The following DYNC1H1 variants were observed in gnomAD, a reference collection of about 807,000 sequenced individuals.
DYNC1H1 encodes the protein dynein cytoplasmic 1 heavy chain 1.
A neutral mutation model predicts 527.1 loss-of-function variants in DYNC1H1; 51 were observed. The ratio of observed to expected loss-of-function variants is 0.10; its 90% CI spans 0.08 to 0.12. DYNC1H1 has a LOEUF of 0.12. Among genes scored for constraint, DYNC1H1 ranks in the 10% least tolerant of loss-of-function variants. The pLI is 1.00. For missense variants in DYNC1H1, 2,771 were observed against 5,971.8 expected, an observed-to-expected ratio of 0.46 and a Z score of 17.66; for synonymous variants, 2,189 against 2,278.8, an observed-to-expected ratio of 0.96 and a Z score of 1.12.
At chr14:101,971,222 C>T (rs767511928) in intron 1 of DYNC1H1, among the ~76,000 whole-genome samples, 1 of 150,218 alleles carries the variant, frequency 6.7e-6, no homozygotes, top group Non-Finnish European at 1.5e-5. Context: ...CACAGACATG[C>T]ACCACCACGC....
At position 102,044,155 on chromosome 14, in the gene DYNC1H1, G is replaced by T; in HGVS notation, c.12684+110G>T. The stretch of plus-strand genomic sequence containing the variant: ...GCGTGGAAGAGCGAGCTGACCCCTC[G>T]TGACCGCCAAAGCCTAGCTGGCCAT... On this transcript the variant is annotated intron_variant, in intron 70 of 77. Transcript: ENST00000360184. The surrounding 1 kb of genome is among the most constrained non-coding windows in gnomAD (Gnocchi z 7.1). 1 of 1,582,432 alleles carries T rather than the reference G, an allele frequency of 6.3e-7. No individual in the cohort carries two copies. The highest frequency in any genetic ancestry group is 8.6e-7 in the Non-Finnish European group (1 of 1,167,242).
At chr14:102,034,597 G>T (rs2048549577) in intron 56 of DYNC1H1, 145 bp downstream of exon 56, 1 of 1,281,554 alleles carries the variant, frequency 7.8e-7, no homozygotes, top group South Asian at 1.2e-5. Context: ...TCCTCTGATG[G>T]TGGGGCGTGT....
In DYNC1H1 at chr14:102,005,376, G is replaced by A. The variant is rs2048185410; in HGVS notation, c.5433+140G>A. ...GATGGTGTATGGATATCCTCTGAGGGTGGGCATTTGGCTCCCTGTCCCTGT... is the reference window on the plus strand; with the variant it reads ...GATGGTGTATGGATATCCTCTGAGGATGGGCATTTGGCTCCCTGTCCCTGT... On this transcript the variant is annotated intron_variant, in intron 26 of 77. Transcript: ENST00000360184. This position sits in a 1 kb window ranked among gnomAD's most constrained non-coding sequence, Gnocchi z 4.0. 1.7e-6 allele frequency: 2 copies of A among 1,208,482 alleles called. No homozygotes were observed. Among genetic ancestry groups the A allele is most frequent in the Admixed American group, 3.4e-5 (2 of 59,280 alleles). The allele number at this position is 1,208,482 out of a possible 1,614,324, so 74.9% of individuals were successfully genotyped here. A position where few individuals can be genotyped will look rare whatever the true frequency, so the allele number is the denominator to read the frequency against.
chr14:102,025,706 A>G (rs1414371144), intron 43 of DYNC1H1, among the ~76,000 whole-genome samples: 1 of 152,184 alleles, frequency 6.6e-6, no homozygotes, highest in Non-Finnish European at 1.5e-5. Context: ...TTATTAAATA[A>G]TAATTTACTC....
At chr14:102,032,893 C>T (rs187638378) in intron 52 of DYNC1H1, 172 bp from the exon 53 acceptor site, 306 of 680,284 alleles carry the variant, frequency 4.5e-4, no homozygotes, top group Non-Finnish European at 7.4e-4. Context: ...AAGTGTTGAG[C>T]ACATTTTCAG....
chr14:101,982,646 A>G (rs965147405), intron 5 of DYNC1H1, among the ~76,000 whole-genome samples: 6 of 152,068 alleles, frequency 3.9e-5, no homozygotes, highest in African/African-American at 1.4e-4. Context: ...TGCTCGAATC[A>G]CCTAGAAACT....
intron 69 of DYNC1H1, 148 bp from the exon 70 acceptor site, chr14:102,043,727 T>C: frequency 9.5e-7 from 1 of 1,051,216 alleles, no homozygotes; most frequent in South Asian, 1.4e-5. Context: ...GGCATACTTT[T>C]CTCCTAGCAG....
Position 101,970,471 on chromosome 14 carries a change from TTG to T in DYNC1H1, c.257-5239_257-5238del, listed in dbSNP as rs201540707. Among the ~76,000 whole-genome samples, 117 of 119,414 alleles carry T rather than the reference TTG, an allele frequency of 9.8e-4. 22 individuals carry two copies. Among genetic ancestry groups the T allele is most frequent in the African/African-American group, 3.7e-3 (84 of 22,964 alleles). 78.3% of individuals were successfully genotyped at this position (119,414 alleles called of 152,430 possible). A position where few individuals can be genotyped will look rare whatever the true frequency, so the allele number is the denominator to read the frequency against. The stretch of plus-strand genomic sequence containing the variant: ...TGGTATTAGTATGTTTGGTTTGTTG[TTG>T]TTTTTTTTTTTTTTTTTTTTTTTTT... On this transcript the variant is annotated intron_variant, in intron 1 of 77. Transcript: ENST00000360184.
At chr14:102,009,660 C>A in intron 29 of DYNC1H1, 183 bp from the exon 30 acceptor site, 1 of 883,242 alleles carries the variant, frequency 1.1e-6, no homozygotes, top group Non-Finnish European at 1.7e-6. Context: ...ATGGGTCCAC[C>A]TGGGCTGGGA....
chr14:102,004,880 A>T lies in DYNC1H1; in HGVS notation c.5168A>T (p.Glu1723Val). 6.2e-7 allele frequency: 1 copy of T among 1,614,214 alleles called. No homozygotes were observed. Among genetic ancestry groups the T allele is most frequent in the Non-Finnish European group, 8.5e-7 (1 of 1,180,054 alleles). Residue 1723 changes from glutamate to valine, a missense_variant, in exon 25 of 78, where the codon GAA (glutamate) becomes GTA (valine). By Grantham distance (121) the Glu-to-Val change is moderately radical. This residue lies in a region of DYNC1H1 where 105 missense variants were observed against 138.1 expected (regional missense o/e 0.76). Transcript: ENST00000360184. ...LAKLLAESVT[E>V]VEIFGKATSI... Reference sequence around the variant, plus strand: ...AAACTGCTTGCTGAGTCTGTTACGGAAGTTGAGATTTTTGGTAAAGCAACT... The same window carrying T: ...AAACTGCTTGCTGAGTCTGTTACGGTAGTTGAGATTTTTGGTAAAGCAACT...
chr14:102,000,061 G>A lies in DYNC1H1; in HGVS notation c.3877G>A (p.Asp1293Asn), dbSNP rs201107645. 11 of 1,614,196 alleles carry A rather than the reference G, an allele frequency of 6.8e-6. No homozygotes were observed. Among genetic ancestry groups the A allele is most frequent in the Admixed American group, 6.7e-5 (4 of 60,016 alleles). The change falls in exon 17 of 78, where the codon GAC becomes AAC. Residue 1293 changes from aspartate to asparagine, a missense_variant. Physicochemically the swap from Asp to Asn is conservative, Grantham distance 23. Coordinates refer to ENST00000360184, the MANE Select transcript of DYNC1H1 (RefSeq NM_001376.5). ...YEGKFGRLKD[D>N]REKCAKAKEA... ...GGGGAAGTTTGGTAGGCTGAAGGACGACAGAGAGAAGTGTGCAAAGGCCAA... is the reference window on the plus strand; with the variant it reads ...GGGGAAGTTTGGTAGGCTGAAGGACAACAGAGAGAAGTGTGCAAAGGCCAA...
In DYNC1H1 at chr14:101,983,672, GTT is replaced by G; in HGVS notation, c.1461+72_1461+73del. 1.5e-6 allele frequency: 2 copies of G among 1,334,842 alleles called. No homozygotes were observed. The highest frequency in any genetic ancestry group is 2.0e-6 in the Non-Finnish European group (2 of 984,978). The allele number at this position is 1,334,842 out of a possible 1,614,324, so 82.7% of individuals were successfully genotyped here. A position where few individuals can be genotyped will look rare whatever the true frequency, so the allele number is the denominator to read the frequency against. ...GTTTTTGTTTTGTTTTTTGTTTGGT[GTT>G]TTTTTTTTGTTGTTGTTGTTGAGAT... On this transcript the variant is annotated intron_variant, in intron 7 of 77. Coordinates refer to ENST00000360184, the MANE Select transcript of DYNC1H1 (RefSeq NM_001376.5). This position sits in a 1 kb window ranked among gnomAD's most constrained non-coding sequence, Gnocchi z 5.3.
At chr14:101,984,450 A>ATAT (rs2047908706) in intron 7 of DYNC1H1, among the ~76,000 whole-genome samples, 1 of 69,968 alleles carries the variant, frequency 1.4e-5, no homozygotes, top group African/African-American at 6.5e-5. Flanking sequence ...TATATATTAT[A>ATAT]TTTTTTTTTT....
In DYNC1H1 at chr14:101,988,849, C is replaced by G. The variant is rs2047964446; in HGVS notation, c.2865C>G (p.Ile955Met). ...ACAAGCCTGGTGGAGAGCCAAAGATCAAAGTGAGTGCTTCTGTGGCATTCT... is the reference window on the plus strand; with the variant it reads ...ACAAGCCTGGTGGAGAGCCAAAGATGAAAGTGAGTGCTTCTGTGGCATTCT... ...VSHKPGGEPK[I>M]KNVVHELRIT... is the part of the protein sequence containing the mutation. Residue 955 changes from isoleucine to methionine, a missense_variant, in exon 10 of 78, where the codon ATC becomes ATG. Coordinates refer to ENST00000360184, the MANE Select transcript of DYNC1H1 (RefSeq NM_001376.5). The G allele has an allele frequency of 1.2e-6, 2 of 1,614,148 alleles. No individual in the cohort carries two copies. The highest frequency in any genetic ancestry group is 1.1e-5 in the South Asian group (1 of 91,068).
rs750614475 is a variant in DYNC1H1, at chr14:101,991,524, C to T, written c.2869-3C>T. On this transcript the variant is annotated splice_polypyrimidine_tract_variant and splice_region_variant and intron_variant, in intron 10 of 77. Transcript: ENST00000360184. ...GAGTAGAAATGAAACCTTTCTTTCACAGAATGTCGTTCATGAGCTAAGAAT... is the reference window on the plus strand; with the variant it reads ...GAGTAGAAATGAAACCTTTCTTTCATAGAATGTCGTTCATGAGCTAAGAAT... The T allele has an allele frequency of 2.0e-5, 33 of 1,614,070 alleles. No homozygotes were observed. The highest frequency in any genetic ancestry group is 2.6e-5 in the Non-Finnish European group (31 of 1,180,046).
chr14:102,016,372 C>T lies in DYNC1H1; in HGVS notation c.7497C>T (p.Leu2499=). 6.2e-7 allele frequency: 1 copy of T among 1,614,210 alleles called. No individual in the cohort carries two copies. Residue 2499 remains leucine, a synonymous_variant, in exon 37 of 78, where the codon CTC becomes CTT. Coordinates refer to ENST00000360184, the MANE Select transcript of DYNC1H1 (RefSeq NM_001376.5). The surrounding 1 kb of genome is among the most constrained non-coding windows in gnomAD (Gnocchi z 7.3). Reference sequence around the variant, plus strand: ...AGCGATATCTGGTTTATGCCATACTCTGGTCCCTGTCTGGAGACAGCCGGC... The same window carrying T: ...AGCGATATCTGGTTTATGCCATACTTTGGTCCCTGTCTGGAGACAGCCGGC... ...YIQRYLVYAI[L]WSLSGDSRLK...
chr14:101,970,035 T>A (rs2047713849), intron 1 of DYNC1H1, among the ~76,000 whole-genome samples: 1 of 152,240 alleles, frequency 6.6e-6, no homozygotes, highest in Non-Finnish European at 1.5e-5. Flanking sequence ...GTTATTTATT[T>A]TGAGTTAGTA....
chr14:102,050,224 C>T, intron 77 of DYNC1H1, 26 bp downstream of exon 77: 3 of 1,613,912 alleles, frequency 1.9e-6, no homozygotes, highest in Non-Finnish European at 8.5e-7. Flanking sequence ...CTTTCCCAGG[C>T]ATTCTGCAGG....
Position 102,004,700 on chromosome 14 carries a change from A to G in DYNC1H1, c.5049+17A>G, listed in dbSNP as rs767456165. 2 of 1,614,182 alleles carry G rather than the reference A, an allele frequency of 1.2e-6. No homozygotes were observed. Among genetic ancestry groups the G allele is most frequent in the South Asian group, 2.2e-5 (2 of 91,082 alleles). On this transcript the variant is annotated intron_variant, in intron 24 of 77. Coordinates refer to ENST00000360184, the MANE Select transcript of DYNC1H1 (RefSeq NM_001376.5). ...GGAGAGGAGGTAAATTTATGTTCGT[A>G]ACTTTTAAAACTTCTCTCACATTTT...
Sources: allele counts gnomAD v4.1 joint callset (sites outside exome capture counted in the v4.1 genomes callset), GRCh38; gene constraint gnomAD v4.1.1; regional missense constraint gnomAD v4.1.1; non-coding constraint Gnocchi (gnomAD v3.1); transcripts MANE v1.5; gene names NCBI Gene and HGNC (gene_info 2026-07-23, HGNC 2026-07-21).